The following TLN2 variants were observed in gnomAD, a reference collection of about 807,000 sequenced individuals.
TLN2 encodes talin-2.
Under a neutral mutation model 294.7 loss-of-function variants are expected in TLN2, and 118 were observed. The ratio of observed to expected loss-of-function variants is 0.40; its 90% CI spans 0.34 to 0.47. The LOEUF (loss-of-function observed/expected upper bound fraction) is 0.47. Ranked by LOEUF, TLN2 falls within the 20% of genes least tolerant of loss-of-function variation. The pLI is 0.84. For missense variants in TLN2, 3,083 were observed against 3,282.2 expected (o/e 0.94, Z 1.48); for synonymous variants, 1,431 against 1,304.5 (o/e 1.10, Z -2.09).
At chr15:62,825,182 A>G (rs2067940689) in intron 54 of TLN2, among the ~76,000 whole-genome samples, 1 of 152,188 alleles carries the variant, frequency 6.6e-6, no homozygotes, top group Admixed American at 6.5e-5. Context: ...GCGGGTTTCA[A>G]GATGCTGCCC....
At chr15:62,636,509 G>A (rs2050401596) in intron 3 of TLN2, among the ~76,000 whole-genome samples, 1 of 152,174 alleles carries the variant, frequency 6.6e-6, no homozygotes, top group South Asian at 2.1e-4. Context: ...AGGTCCTTCT[G>A]ATTTATAGTT....
At chr15:62,449,115 A>G (rs995388470) in intron 1 of TLN2, among the ~76,000 whole-genome samples, 1 of 152,204 alleles carries the variant, frequency 6.6e-6, no homozygotes, top group Non-Finnish European at 1.5e-5. Context: ...ATAACGTGTC[A>G]GAGAGCATTA....
chr15:62,823,125 C>T (rs548466294), intron 54 of TLN2, among the ~76,000 whole-genome samples: 2 of 152,274 alleles, frequency 1.3e-5, no homozygotes, highest in South Asian at 4.1e-4. Context: ...GGGTTCCTAC[C>T]TTAGCTCACT....
rs552074865 is a variant in TLN2 at position 62,602,246 on chromosome 15, C to G, written c.-162+12484C>G. Among the ~76,000 whole-genome samples the G allele has an allele frequency of 2.0e-5, 3 of 152,242 alleles. No homozygotes were observed. In the East Asian group the frequency reaches 5.8e-4, roughly 29 times the overall value. ...AGTTTCATCAATTATATACTCTGTT[C>G]TTTCATCTGTGCCAAAAATCCAGTT... On this transcript the variant is annotated intron_variant, in intron 2 of 58. Coordinates refer to ENST00000636159, the MANE Select transcript of TLN2 (RefSeq NM_015059.3).
At chr15:62,623,445 A>C (rs1567208784) in intron 3 of TLN2, among the ~76,000 whole-genome samples, 1 of 152,228 alleles carries the variant, frequency 6.6e-6, no homozygotes, top group Non-Finnish European at 1.5e-5. Flanking sequence ...AAACCAACTT[A>C]CATTCATGAG....
intron 46 of TLN2, among the ~76,000 whole-genome samples, chr15:62,795,461 G>C (rs75931261): frequency 1.3e-5 from 2 of 152,306 alleles, no homozygotes; most frequent in Admixed American, 6.5e-5. Context: ...GACAGCACAG[G>C]ATTTCTGACA....
chr15:62,614,498 A>T (rs1371478864), intron 2 of TLN2, among the ~76,000 whole-genome samples: 3 of 152,142 alleles, frequency 2.0e-5, no homozygotes, highest in Non-Finnish European at 4.4e-5. Flanking sequence ...TTTAAAAAAA[A>T]TTATAGTTTT....
chr15:62,614,081 CTTAT>C (rs2048125286), intron 2 of TLN2, among the ~76,000 whole-genome samples: 1 of 152,076 alleles, frequency 6.6e-6, no homozygotes, highest in South Asian at 2.1e-4. Flanking sequence ...GATTCTGAAA[CTTAT>C]TTGTGTTCTA....
rs770813429 is a variant in TLN2, at chr15:62,727,064, T to C, written c.3256-23T>C. On this transcript the variant is annotated intron_variant, in intron 27 of 58. Coordinates refer to ENST00000636159, the MANE Select transcript of TLN2 (RefSeq NM_015059.3). ...GATGTTCCTTTTCTTCTACGTTCTTTCCCTCCTTGAATATTCTTGTAGCTG... is the reference window on the plus strand; with the variant it reads ...GATGTTCCTTTTCTTCTACGTTCTTCCCCTCCTTGAATATTCTTGTAGCTG... The C allele has an allele frequency of 5.0e-6, 8 of 1,610,948 alleles. No individual in the cohort carries two copies. The Admixed American group carries it at 8.4e-5, about 17-fold the overall frequency.
intron 1 of TLN2, among the ~76,000 whole-genome samples, chr15:62,556,289 C>CT (rs895859950): frequency 4.7e-4 from 70 of 149,520 alleles, no homozygotes; most frequent in African/African-American, 1.5e-3. Context: ...ATGCCATTTT[C>CT]TTTTTTTTCT....
intron 1 of TLN2, among the ~76,000 whole-genome samples, chr15:62,559,679 C>T (rs769348126): frequency 3.9e-5 from 6 of 152,160 alleles, no homozygotes; most frequent in Non-Finnish European, 8.8e-5. Context: ...GCAATGGAAA[C>T]CCATTCATAC....
At chr15:62,820,853 C>G (rs1382400015) in intron 54 of TLN2, among the ~76,000 whole-genome samples, 1 of 152,170 alleles carries the variant, frequency 6.6e-6, no homozygotes, top group African/African-American at 2.4e-5. Context: ...AGAATTGGGG[C>G]ATTTGCAGTC....
chr15:62,548,557 C>T (rs1162106562), intron 1 of TLN2, among the ~76,000 whole-genome samples: 1 of 152,146 alleles, frequency 6.6e-6, no homozygotes, highest in African/African-American at 2.4e-5. Flanking sequence ...GCCAGGGTTC[C>T]CTGGTTGTTC....
chr15:62,792,559 G>C, intron 45 of TLN2, 82 bp from the exon 46 acceptor site: 1 of 1,555,326 alleles, frequency 6.4e-7, no homozygotes, highest in Non-Finnish European at 8.7e-7. Context: ...ATAGGACATA[G>C]GAGAAATTTT....
chr15:62,840,102 T>C (rs2070446452), intron 58 of TLN2, among the ~76,000 whole-genome samples: 1 of 152,160 alleles, frequency 6.6e-6, no homozygotes, highest in South Asian at 2.1e-4. Context: ...CTCCAGACAG[T>C]GGACCTACAT....
chr15:62,695,838 C>T (rs1334462094), intron 14 of TLN2, among the ~76,000 whole-genome samples: 61 of 152,192 alleles, frequency 4.0e-4, no homozygotes, highest in Non-Finnish European at 1.0e-4. Context: ...GGGTGATCTG[C>T]GTCACTTCAG....
intron 19 of TLN2, among the ~76,000 whole-genome samples, chr15:62,706,320 G>A (rs1489752333): frequency 6.6e-6 from 1 of 152,226 alleles, no homozygotes; most frequent in Non-Finnish European, 1.5e-5. Flanking sequence ...CTCAATCAAA[G>A]GATTCTTCTT....
Position 62,808,314 on chromosome 15 carries a change from AC to A in TLN2, c.6664-1610del, listed in dbSNP as rs2066435089. On this transcript the variant is annotated intron_variant, in intron 51 of 58. Coordinates refer to ENST00000636159, the MANE Select transcript of TLN2 (RefSeq NM_015059.3). ...CTATTTCTGTGTTGCTATATTGCTG[AC>A]TTTTTAATGACTACAAAATACCCTT... Among the ~76,000 whole-genome samples, 4 of 152,166 alleles carry A rather than the reference AC, an allele frequency of 2.6e-5. 1 individual carries two copies. In the South Asian group the frequency reaches 8.3e-4, roughly 32 times the overall value.
chr15:62,668,564 T>C (rs1390151029), intron 9 of TLN2, among the ~76,000 whole-genome samples: 2 of 152,164 alleles, frequency 1.3e-5, no homozygotes, highest in Non-Finnish European at 2.9e-5. Flanking sequence ...GAAATACTGA[T>C]CACGTGGGAT....
Sources: allele counts gnomAD v4.1 joint callset (sites outside exome capture counted in the v4.1 genomes callset), GRCh38; gene constraint gnomAD v4.1.1; transcripts MANE v1.5; gene names NCBI Gene and HGNC (gene_info 2026-07-23, HGNC 2026-07-21).